The following CDH23 variants were observed in gnomAD, a reference collection of about 807,000 sequenced individuals.
CDH23 encodes the protein cadherin related 23.
In CDH23, 189 loss-of-function variants were observed where a neutral mutation model predicts 317.1. The observed-to-expected ratio is 0.60, with a 90% CI of 0.53 to 0.67. CDH23 has a LOEUF of 0.67. Ranked by LOEUF, CDH23 falls within the 30% of genes least tolerant of loss-of-function variation. CDH23 has a pLI of 0.00. For missense variants in CDH23, 4,401 were observed against 4,592.4 expected, an observed-to-expected ratio of 0.96 and a Z score of 1.20; for synonymous variants, 1,839 against 1,876.8, an observed-to-expected ratio of 0.98 and a Z score of 0.52.
chr10:71,415,789 A>C (rs1375483408), intron 1 of CDH23, among the ~76,000 whole-genome samples: 1 of 152,114 alleles, frequency 6.6e-6, no homozygotes, highest in Non-Finnish European at 1.5e-5. Flanking sequence ...CTTTATTTCC[A>C]AGCATTTGGG....
chr10:71,532,727 G>GTTTTTTTT (rs200038577), intron 6 of CDH23, among the ~76,000 whole-genome samples: 4 of 93,928 alleles, frequency 4.3e-5, no homozygotes, highest in Non-Finnish European at 7.2e-5. Context: ...TTTTTTTTTT[G>GTTTTTTTT]TTTTTTTTTT....
intron 53 of CDH23, among the ~76,000 whole-genome samples, chr10:71,801,527 C>A (rs1042395133): frequency 6.6e-6 from 1 of 152,128 alleles, no homozygotes; most frequent in Admixed American, 6.6e-5. Context: ...GTCCACGCAG[C>A]TGTTCTGAGG....
At chr10:71,551,385 CAGGAGGAGA>C (rs980108134) in intron 6 of CDH23, among the ~76,000 whole-genome samples, 3 of 152,020 alleles carry the variant, frequency 2.0e-5, no homozygotes, top group Admixed American at 6.5e-5. Context: ...CCCCCGGGGC[CAGGAGGAGA>C]AGGAGGGAGG....
chr10:71,518,071 ATGTG>A (rs59841931), intron 6 of CDH23, among the ~76,000 whole-genome samples: 2 of 150,550 alleles, frequency 1.3e-5, no homozygotes, highest in Non-Finnish European at 3.0e-5. Flanking sequence ...GTGTGTGTGT[ATGTG>A]TGTGTGTGTG....
chr10:71,628,000 A>T (rs1861826743), intron 11 of CDH23, among the ~76,000 whole-genome samples: 1 of 151,868 alleles, frequency 6.6e-6, no homozygotes, highest in Admixed American at 6.6e-5. Context: ...TCACCCTGGA[A>T]CCTCCCATAC....
intron 1 of CDH23, among the ~76,000 whole-genome samples, chr10:71,411,511 A>AT (rs1406965543): frequency 6.6e-6 from 1 of 152,080 alleles, no homozygotes; most frequent in Non-Finnish European, 1.5e-5. Flanking sequence ...AGGTTATTGC[A>AT]TTTTTTGATT....
rs761976651 is a variant in CDH23 at position 71,725,523 on chromosome 10, G to A, written c.3579+3G>A. Reference sequence around the variant, plus strand: ...GCCCCATGCGGAGCTCCGTCAGGGTGAGGCTAGGGGCGGGCTGGGGTGCTG... The same window carrying A: ...GCCCCATGCGGAGCTCCGTCAGGGTAAGGCTAGGGGCGGGCTGGGGTGCTG... On this transcript the variant is annotated splice_donor_region_variant and intron_variant, in intron 30 of 69. Coordinates refer to ENST00000224721, the MANE Select transcript of CDH23 (RefSeq NM_022124.6). 2.5e-6 allele frequency: 4 copies of A among 1,611,774 alleles called. No homozygotes were observed. The African/African-American group carries it at 5.3e-5, about 22-fold the overall frequency.
chr10:71,565,043 T>A (rs552560902), intron 6 of CDH23, among the ~76,000 whole-genome samples: 65 of 152,332 alleles, frequency 4.3e-4, no homozygotes, highest in African/African-American at 1.5e-3. Context: ...GAAATCAGAA[T>A]GTGGCCCTCC....
chr10:71,695,260 C>T (rs1031102614), intron 21 of CDH23, among the ~76,000 whole-genome samples, 158 bp from the exon 22 acceptor site: 5 of 152,252 alleles, frequency 3.3e-5, no homozygotes, highest in Non-Finnish European at 7.3e-5. Flanking sequence ...TTCCTGCCCT[C>T]GAAAGCCCAG....
intron 19 of CDH23, among the ~76,000 whole-genome samples, chr10:71,688,885 G>A (rs140609448): frequency 0.1 from 106 of 1,020 alleles, no homozygotes; most frequent in South Asian, 0.25. Flanking sequence ...ATGGAGCCAG[G>A]GGTGGTGGAG....
intron 11 of CDH23, among the ~76,000 whole-genome samples, chr10:71,638,046 A>T (rs1331849634): frequency 6.6e-6 from 1 of 152,214 alleles, no homozygotes; most frequent in Non-Finnish European, 1.5e-5. Context: ...GCCATAGGGA[A>T]TTTCCTGGCT....
At chr10:71,571,047 C>A in intron 8 of CDH23, 129 bp downstream of exon 8, 1 of 992,008 alleles carries the variant, frequency 1.0e-6, no homozygotes, top group South Asian at 1.6e-5. Context: ...CTGTGCGTGG[C>A]AGTGATGAGT....
Position 71,682,472 on chromosome 10 carries a change from A to T in CDH23, c.1886A>T (p.Tyr629Phe), listed in dbSNP as rs1297047638. 2 of 1,612,496 alleles carry T rather than the reference A, an allele frequency of 1.2e-6. No individual in the cohort carries two copies. The highest frequency in any genetic ancestry group is 1.7e-6 in the Non-Finnish European group (2 of 1,179,344). ...ATCAGCGTCAGTCGCCCCCTGGATT[A>T]TGAACAGATATCCAATGGGCTGATT... ...GVISVSRPLD[Y>F]EQISNGLIYL... The change falls in exon 18 of 70, where the codon TAT (tyrosine) becomes TTT (phenylalanine). Residue 629 changes from tyrosine to phenylalanine, a missense_variant. By Grantham distance (22) the Tyr-to-Phe change is conservative. Coordinates refer to ENST00000224721, the MANE Select transcript of CDH23 (RefSeq NM_022124.6).
chr10:71,551,336 T>C (rs981791316), intron 6 of CDH23, among the ~76,000 whole-genome samples: 51 of 152,248 alleles, frequency 3.3e-4, no homozygotes, highest in African/African-American at 1.2e-3. Flanking sequence ...TGGGGGAAGG[T>C]CAGGGTGCCC....
At chr10:71,562,298 C>T (rs930869634) in intron 6 of CDH23, among the ~76,000 whole-genome samples, 1 of 152,212 alleles carries the variant, frequency 6.6e-6, no homozygotes, top group Non-Finnish European at 1.5e-5. Flanking sequence ...CGTCCGGCCA[C>T]CTCCCCATGC....
At chr10:71,690,423 C>A in intron 19 of CDH23, 45 bp from the exon 20 acceptor site, 1 of 1,441,662 alleles carries the variant, frequency 6.9e-7, no homozygotes, top group Non-Finnish European at 9.5e-7. Flanking sequence ...AGCCAGGGGC[C>A]CAGGGTGAGC....
At chr10:71,543,110 G>A (rs1232341415) in intron 6 of CDH23, among the ~76,000 whole-genome samples, 2 of 152,236 alleles carry the variant, frequency 1.3e-5, no homozygotes, top group African/African-American at 2.4e-5. Context: ...CTTATGAGAC[G>A]CTGTTCCTCC....
At chr10:71,733,601 T>C (rs1447001258) in intron 32 of CDH23, among the ~76,000 whole-genome samples, 1 of 152,204 alleles carries the variant, frequency 6.6e-6, no homozygotes, top group Non-Finnish European at 1.5e-5. Context: ...ACCAAATGCA[T>C]ATTTCTTATA....
At chr10:71,547,173 C>T (rs1195833010) in intron 6 of CDH23, among the ~76,000 whole-genome samples, 1 of 152,118 alleles carries the variant, frequency 6.6e-6, no homozygotes, top group Non-Finnish European at 1.5e-5. Flanking sequence ...GATTGGAGAC[C>T]CAGAGAATAG....
Sources: gnomAD v4.1 joint callset for allele counts (sites outside exome capture counted in the v4.1 genomes callset) on GRCh38, gnomAD v4.1.1 for gene constraint, MANE v1.5 for transcripts, NCBI Gene and HGNC (gene_info 2026-07-23, HGNC 2026-07-21) for gene names.